The following AGBL2 variants were observed in gnomAD, a reference collection of about 807,000 sequenced individuals.
The protein encoded by AGBL2 is AGBL carboxypeptidase 2, also known as cytosolic carboxypeptidase 2.
A neutral mutation model predicts 103.0 loss-of-function variants in AGBL2; 87 were observed. The observed-to-expected ratio is 0.84, with a 90% CI of 0.71 to 1.01. The LOEUF is 1.01. Ranked by LOEUF, AGBL2 falls within the 50% of genes least tolerant of loss-of-function variation. The pLI is 0.00. For synonymous variants in AGBL2, 335 were observed against 356.7 expected, an observed-to-expected ratio of 0.94 and a Z score of 0.69; for missense variants, 904 against 1,023.5, an observed-to-expected ratio of 0.88 and a Z score of 1.59.
intron 16 of AGBL2, 108 bp from the exon 17 acceptor site, chr11:47,667,171 G>T (rs2097343495): frequency 2.7e-6 from 2 of 750,944 alleles, no homozygotes; most frequent in South Asian, 1.9e-5. Context: ...TCTTTAGAAA[G>T]CAGAGGGTAT....
chr11:47,707,165 C>T (rs954235014), intron 4 of AGBL2, among the ~76,000 whole-genome samples: 2 of 152,090 alleles, frequency 1.3e-5, no homozygotes, highest in African/African-American at 4.8e-5. Flanking sequence ...TGCCTTTCTA[C>T]TCCCTGCCAG....
At chr11:47,678,120 C>T (rs1379000397) in intron 13 of AGBL2, among the ~76,000 whole-genome samples, 4 of 151,562 alleles carry the variant, frequency 2.6e-5, no homozygotes, top group Non-Finnish European at 4.4e-5. Flanking sequence ...CACACCACCA[C>T]GCCCAGCTAA....
intron 11 of AGBL2, among the ~76,000 whole-genome samples, chr11:47,685,220 A>G (rs2097419259): frequency 6.6e-6 from 1 of 152,182 alleles, no homozygotes; most frequent in Non-Finnish European, 1.5e-5. Context: ...AAAAAAAATA[A>G]AAAAGGATAC....
At chr11:47,660,403 T>C in intron 18 of AGBL2, 57 bp from the exon 19 acceptor site, 3 of 1,538,326 alleles carry the variant, frequency 2.0e-6, no homozygotes, top group Non-Finnish European at 2.7e-6. Flanking sequence ...TTTCCAAATA[T>C]GTAGTTAGGG....
intron 10 of AGBL2, among the ~76,000 whole-genome samples, chr11:47,687,998 G>A (rs1251568717): frequency 6.6e-6 from 1 of 151,692 alleles, no homozygotes; most frequent in African/African-American, 2.4e-5. Flanking sequence ...AGTAGAGACG[G>A]GGTTTCACCA....
chr11:47,660,325 C>T lies in AGBL2; in HGVS notation c.2557G>A (p.Val853Ile), dbSNP rs2097324834. 1.9e-6 allele frequency: 3 copies of T among 1,612,662 alleles called. No individual in the cohort carries two copies. The highest frequency in any genetic ancestry group is 2.7e-5 in the African/African-American group (2 of 74,948). ...ATGGTTCTCTTTGGAGAGCATGATA[C>T]TGTAAAGCCTGGCTTCTTATTCTGT... The part of the protein sequence containing the change: ...RMQNKKPGFT[V>I]SCSPKRTINS... The change falls in exon 19 of 19, where the codon GTA becomes ATA. Residue 853 changes from valine (V) to isoleucine (I), a missense_variant. By Grantham distance (29) the Val-to-Ile change is conservative (BLOSUM62 3). Coordinates refer to ENST00000525123, the MANE Select transcript of AGBL2 (RefSeq NM_024783.4).
At chr11:47,702,988 C>G (rs1006298673) in intron 7 of AGBL2, among the ~76,000 whole-genome samples, 2 of 152,098 alleles carry the variant, frequency 1.3e-5, no homozygotes, top group African/African-American at 4.8e-5. Context: ...TAATGCAACC[C>G]AATTCCATAA....
chr11:47,693,590 T>C (rs1461005290), intron 8 of AGBL2, among the ~76,000 whole-genome samples: 1 of 152,332 alleles, frequency 6.6e-6, no homozygotes, highest in South Asian at 2.1e-4. Flanking sequence ...ATGCCTACCC[T>C]GTGTTAGGAT....
In AGBL2 at chr11:47,699,551, A is replaced by G; in HGVS notation, c.589T>C (p.Trp197Arg). The change falls in exon 8 of 19, where the codon TGG becomes CGG. Residue 197 changes from tryptophan (W) to arginine (R), a missense_variant and splice_region_variant. Physicochemically the swap from Trp to Arg is moderately radical, Grantham distance 101. Coordinates refer to ENST00000525123, the MANE Select transcript of AGBL2 (RefSeq NM_024783.4). ...VIKENIHHIE[W>R]APPQPEYFYQ... ...AAATATTCTGGTTGAGGTGGAGCCC[A>G]CTCTGAAAGAAGACATTTTAAAAAG... 1 of 1,567,890 alleles carries G rather than the reference A, an allele frequency of 6.4e-7. No homozygotes were observed. The highest frequency in any genetic ancestry group is 8.7e-7 in the Non-Finnish European group (1 of 1,145,596).
chr11:47,705,964 T>G, intron 4 of AGBL2, 47 bp from the exon 5 acceptor site: 1 of 1,509,702 alleles, frequency 6.6e-7, no homozygotes. Flanking sequence ...GATCGTTGTC[T>G]TCTTTTCTTC....
rs1237251461 is a variant in AGBL2 at position 47,696,025 on chromosome 11, A to G, written c.694+3421T>C. On this transcript the variant is annotated intron_variant, in intron 8 of 18. Transcript: ENST00000525123. ...ACTAAAAATACAAAAAAAAAAAAAA[A>G]AAAAAAAAAAAGAAAAAAAAAAATT... 2.8e-3 allele frequency among the ~76,000 whole-genome samples: 93 copies of G among 33,262 alleles called. 1 individual carries two copies. The highest frequency in any genetic ancestry group is 8.8e-3 in the African/African-American group (74 of 8,440). 21.8% of individuals were successfully genotyped at this position (33,262 alleles called of 152,430 possible). A position where few individuals can be genotyped will look rare whatever the true frequency, so the allele number is the denominator to read the frequency against.
intron 14 of AGBL2, 97 bp from the exon 15 acceptor site, chr11:47,669,004 G>T (rs2097349251): frequency 1.3e-6 from 1 of 793,186 alleles, no homozygotes; most frequent in Non-Finnish European, 2.2e-6. Flanking sequence ...TTAGGATTAG[G>T]ATATCTTCTA....
chr11:47,710,276 G>A, intron 4 of AGBL2, 101 bp downstream of exon 4: 1 of 1,403,616 alleles, frequency 7.1e-7, no homozygotes, highest in Non-Finnish European at 9.9e-7. Context: ...GGCCAAGGCT[G>A]CTCCCTGGCC....
chr11:47,661,781 G>C (rs1383525228), intron 18 of AGBL2, among the ~76,000 whole-genome samples: 1 of 151,342 alleles, frequency 6.6e-6, no homozygotes, highest in Admixed American at 6.6e-5. Context: ...TGGAGACAGA[G>C]TCTCACTCTG....
intron 17 of AGBL2, 126 bp downstream of exon 17, chr11:47,666,830 T>G: frequency 2.8e-6 from 2 of 716,114 alleles, no homozygotes; most frequent in Non-Finnish European, 5.0e-6. Context: ...GTTTTCTTGC[T>G]CCCAGTGGCA....
At chr11:47,684,096 A>C (rs1422106586) in intron 11 of AGBL2, among the ~76,000 whole-genome samples, 1 of 151,540 alleles carries the variant, frequency 6.6e-6, no homozygotes. Flanking sequence ...CATCTCTACT[A>C]AACCCCATCT....
intron 14 of AGBL2, among the ~76,000 whole-genome samples, chr11:47,672,354 G>A (rs1565013630): frequency 6.6e-6 from 1 of 151,548 alleles, no homozygotes; most frequent in East Asian, 1.9e-4. Context: ...TCGCTGTGTC[G>A]CTCAGGTTGG....
intron 8 of AGBL2, among the ~76,000 whole-genome samples, chr11:47,693,386 G>C (rs1300017856): frequency 1.3e-5 from 2 of 151,992 alleles, no homozygotes; most frequent in African/African-American, 4.8e-5. Flanking sequence ...ATCCATTTTG[G>C]GTTAATTTTT....
At chr11:47,709,110 G>A (rs896414442) in intron 4 of AGBL2, among the ~76,000 whole-genome samples, 14 of 152,308 alleles carry the variant, frequency 9.2e-5, no homozygotes, top group African/African-American at 2.9e-4. Context: ...CGACAAGAGC[G>A]AGACTCCGTC....
Sources: allele counts gnomAD v4.1 joint callset (sites outside exome capture counted in the v4.1 genomes callset), GRCh38; gene constraint gnomAD v4.1.1; transcripts MANE v1.5; gene names NCBI Gene and HGNC (gene_info 2026-07-23, HGNC 2026-07-21).